The following FBXL17 variants were observed in gnomAD, a reference collection of about 807,000 sequenced individuals.
FBXL17 encodes the protein F-box and leucine rich repeat protein 17, also known as F-box/LRR-repeat protein 17.
In FBXL17, 22 loss-of-function variants were observed where a neutral mutation model predicts 66.2. The ratio of observed to expected loss-of-function variants is 0.33; its 90% CI spans 0.24 to 0.47. The LOEUF is 0.47. FBXL17 is among the 20% of genes least tolerant of loss of function. FBXL17 has a pLI of 1.00. For missense variants in FBXL17, 878 were observed against 948.2 expected, an observed-to-expected ratio of 0.93 and a Z score of 0.97; for synonymous variants, 474 against 400.5, an observed-to-expected ratio of 1.18 and a Z score of -2.19.
chr5:108,269,364 G>A (rs1757172801), intron 4 of FBXL17, among the ~76,000 whole-genome samples: 1 of 151,972 alleles, frequency 6.6e-6, no homozygotes, highest in Non-Finnish European at 1.5e-5. Flanking sequence ...TTTAGTTTTA[G>A]ATGACATCCA....
intron 4 of FBXL17, among the ~76,000 whole-genome samples, chr5:108,233,259 T>G (rs771718367): frequency 1.8e-4 from 28 of 152,180 alleles, no homozygotes; most frequent in Non-Finnish European, 3.5e-4. Flanking sequence ...TATGATGTTC[T>G]CAGAGTTCAT....
chr5:107,897,861 T>C (rs983292745), intron 7 of FBXL17, among the ~76,000 whole-genome samples: 8 of 150,922 alleles, frequency 5.3e-5, no homozygotes, highest in African/African-American at 1.7e-4. Flanking sequence ...ACAGGATTTA[T>C]GACAGGGCCA....
At chr5:108,220,539 CCT>C (rs1362371577) in intron 5 of FBXL17, among the ~76,000 whole-genome samples, 4 of 152,150 alleles carry the variant, frequency 2.6e-5, no homozygotes, top group East Asian at 1.9e-4. Flanking sequence ...AAATTTGGCC[CCT>C]GTTACGCCAC....
chr5:107,859,703 G>A lies in FBXL17; in HGVS notation c.*2017C>T, dbSNP rs201458583. 17 of 151,876 alleles carry A rather than the reference G, an allele frequency of 1.1e-4. No homozygotes were observed. The East Asian group carries it at 3.3e-3, about 29-fold the overall frequency. 9.4% of individuals were successfully genotyped at this position (151,876 alleles called of 1,614,324 possible). ...GTTATTACAACTTTGAACTGAAATGGTACCATCTATATCATAGATGGCTCT... is the reference window on the plus strand; with the variant it reads ...GTTATTACAACTTTGAACTGAAATGATACCATCTATATCATAGATGGCTCT... On this transcript the variant is annotated 3_prime_UTR_variant, in exon 9 of 9. Transcript: ENST00000542267.
At chr5:107,991,836 G>A (rs1473053031) in intron 7 of FBXL17, among the ~76,000 whole-genome samples, 3 of 152,132 alleles carry the variant, frequency 2.0e-5, no homozygotes, top group Non-Finnish European at 4.4e-5. Context: ...CTTGGAAAAT[G>A]AGGAGTCAAC....
chr5:107,896,460 T>C (rs1274654314), intron 7 of FBXL17, among the ~76,000 whole-genome samples: 1 of 152,178 alleles, frequency 6.6e-6, no homozygotes, highest in Non-Finnish European at 1.5e-5. Context: ...AAGGTGAGTA[T>C]TGTGAGTATC....
At chr5:108,325,550 T>G (rs1759809490) in intron 4 of FBXL17, among the ~76,000 whole-genome samples, 1 of 151,950 alleles carries the variant, frequency 6.6e-6, no homozygotes, top group African/African-American at 2.4e-5. Flanking sequence ...AGGTAGAAAC[T>G]GTGAAAAATA....
intron 8 of FBXL17, among the ~76,000 whole-genome samples, chr5:107,867,274 A>G (rs114495762): frequency 3.6e-3 from 550 of 152,314 alleles, no homozygotes; most frequent in Non-Finnish European, 6.3e-3. Context: ...AGAGTTTCTA[A>G]TAATTTTGCA....
intron 6 of FBXL17, among the ~76,000 whole-genome samples, chr5:108,075,565 T>TC (rs1748511090): frequency 6.6e-6 from 1 of 152,108 alleles, no homozygotes; most frequent in African/African-American, 2.4e-5. Flanking sequence ...AACCTCTGCC[T>TC]CCCGGGTTCA....
intron 4 of FBXL17, among the ~76,000 whole-genome samples, chr5:108,303,195 G>T (rs1372068212): frequency 6.6e-6 from 1 of 151,686 alleles, no homozygotes; most frequent in Non-Finnish European, 1.5e-5. Context: ...TGAGTATAGG[G>T]CACAAGTAAC....
At chr5:108,084,940 C>T (rs533918543) in intron 6 of FBXL17, among the ~76,000 whole-genome samples, 210 of 152,252 alleles carry the variant, frequency 1.4e-3, no homozygotes, top group Non-Finnish European at 2.6e-3. Flanking sequence ...ATTTGTTTTT[C>T]TTTTCTCTTT....
At chr5:107,930,273 TC>T (rs1214542976) in intron 7 of FBXL17, among the ~76,000 whole-genome samples, 1 of 152,172 alleles carries the variant, frequency 6.6e-6, no homozygotes. Context: ...GTGTTCATCT[TC>T]CATCATTTCC....
chr5:107,973,175 C>G lies in FBXL17; in HGVS notation c.1822+47750G>C, dbSNP rs1490128060. 4.0e-5 allele frequency among the ~76,000 whole-genome samples: 6 copies of G among 148,316 alleles called. No individual in the cohort carries two copies. In the Admixed American group the frequency reaches 4.1e-4, roughly 10 times the overall value. On this transcript the variant is annotated intron_variant, in intron 7 of 8. Coordinates refer to ENST00000542267, the MANE Select transcript of FBXL17 (RefSeq NM_001163315.3). The stretch of plus-strand genomic sequence containing the variant: ...ATACTCCATTTTAATTTTCTGTAGT[C>G]CTGGCCACAGAAGAGCTAAACGTGC...
chr5:107,886,599 A>G (rs1229886784), intron 7 of FBXL17, among the ~76,000 whole-genome samples: 1 of 152,132 alleles, frequency 6.6e-6, no homozygotes, highest in Non-Finnish European at 1.5e-5. Flanking sequence ...CAATGGGGGC[A>G]TTTCAAAAGG....
intron 4 of FBXL17, among the ~76,000 whole-genome samples, chr5:108,314,499 CTG>C (rs1187609314): frequency 1.3e-5 from 2 of 151,478 alleles, no homozygotes; most frequent in Non-Finnish European, 3.0e-5. Flanking sequence ...TTGCCATATG[CTG>C]TGTTCCAAAT....
At chr5:108,293,119 A>C (rs1352725222) in intron 4 of FBXL17, among the ~76,000 whole-genome samples, 1 of 151,758 alleles carries the variant, frequency 6.6e-6, no homozygotes, top group East Asian at 1.9e-4. Flanking sequence ...AAACAAAAAA[A>C]AACTTGTTGA....
intron 7 of FBXL17, among the ~76,000 whole-genome samples, chr5:107,934,544 C>A (rs1171235263): frequency 1.3e-5 from 2 of 152,162 alleles, no homozygotes; most frequent in African/African-American, 4.8e-5. Flanking sequence ...ACACTCCCAA[C>A]TTTAAAGGTT....
chr5:108,114,331 A>G (rs1002186481), intron 6 of FBXL17, among the ~76,000 whole-genome samples: 1 of 152,204 alleles, frequency 6.6e-6, no homozygotes, highest in South Asian at 2.1e-4. Context: ...TCAATTCCCT[A>G]TAAGTTGTCT....
intron 5 of FBXL17, among the ~76,000 whole-genome samples, chr5:108,208,155 G>A (rs1754208261): frequency 6.6e-6 from 1 of 152,120 alleles, no homozygotes. Flanking sequence ...CCCACTTTTT[G>A]ATGGAGTTGT....
Sources: allele counts gnomAD v4.1 joint callset (sites outside exome capture counted in the v4.1 genomes callset), GRCh38; gene constraint gnomAD v4.1.1; transcripts MANE v1.5; gene names NCBI Gene and HGNC (gene_info 2026-07-23, HGNC 2026-07-21).